Variants in DPYD observed in about 807,000 individuals in gnomAD.
The protein encoded by DPYD is dihydropyrimidine dehydrogenase, also known as dihydropyrimidine dehydrogenase [NADP(+)].
Under a neutral mutation model 116.2 loss-of-function variants are expected in DPYD, and 109 were observed. That is an observed-to-expected ratio of 0.94 (90% CI 0.80 to 1.10). DPYD has a LOEUF of 1.10. DPYD is among the 50% of genes least tolerant of loss of function. The pLI, the probability that DPYD is intolerant of heterozygous loss-of-function variation, is 0.00. For missense variants in DPYD, 1,302 were observed against 1,254.5 expected (o/e 1.04, Z -0.57); for synonymous variants, 440 against 432.0 (o/e 1.02, Z -0.23).
At chr1:97,401,037 GT>G (rs1408459781) in intron 14 of DPYD, among the ~76,000 whole-genome samples, 5 of 151,946 alleles carry the variant, frequency 3.3e-5, no homozygotes, top group Non-Finnish European at 7.4e-5. Flanking sequence ...CCTCATTGTT[GT>G]TTTAATTTGC....
At chr1:97,568,649 A>G (rs1652693347) in intron 11 of DPYD, among the ~76,000 whole-genome samples, 1 of 152,114 alleles carries the variant, frequency 6.6e-6, no homozygotes, top group South Asian at 2.1e-4. Flanking sequence ...GCCACAACAA[A>G]GGAAAAATTC....
At position 97,683,622 on chromosome 1, in the gene DPYD, A is replaced by G. The variant is rs370183971; in HGVS notation, c.763-4440T>C. On this transcript the variant is annotated intron_variant, in intron 7 of 22. Coordinates refer to ENST00000370192, the MANE Select transcript of DPYD (RefSeq NM_000110.4). ...GAAACAAAAATATGTATTTCTATTTAAATTCTGAGTTGCATTACAAAAAAA... is the reference window on the plus strand; with the variant it reads ...GAAACAAAAATATGTATTTCTATTTGAATTCTGAGTTGCATTACAAAAAAA... Among the ~76,000 whole-genome samples, 6 of 152,062 alleles carry G rather than the reference A, an allele frequency of 3.9e-5. No homozygotes were observed. The East Asian group carries it at 1.2e-3, about 29-fold the overall frequency.
At chr1:97,442,971 C>T (rs1313515954) in intron 14 of DPYD, among the ~76,000 whole-genome samples, 2 of 152,070 alleles carry the variant, frequency 1.3e-5, no homozygotes, top group Non-Finnish European at 2.9e-5. Flanking sequence ...GAATAATTAC[C>T]GTGTGTCAAA....
intron 14 of DPYD, among the ~76,000 whole-genome samples, chr1:97,440,971 C>T (rs1675760299): frequency 2.0e-5 from 3 of 152,034 alleles, no homozygotes; most frequent in South Asian, 2.1e-4. Flanking sequence ...GGTTAATATT[C>T]GTCCTTTTCT....
intron 10 of DPYD, among the ~76,000 whole-genome samples, chr1:97,585,656 G>A (rs890173916): frequency 1.8e-4 from 28 of 152,048 alleles, no homozygotes; most frequent in Middle Eastern, 3.4e-3. Flanking sequence ...TATGTCTTTC[G>A]AATAGCATAT....
intron 12 of DPYD, among the ~76,000 whole-genome samples, chr1:97,541,254 TAAACATTAATTAGTTATATGGATGCAAA>T (rs1650431653): frequency 6.6e-6 from 1 of 152,176 alleles, no homozygotes; most frequent in Non-Finnish European, 1.5e-5. Flanking sequence ...TGTAAATAAA[TAAACATTAATTAGTTATATGGATGCAAA>T]AAGAAAGAAG....
At chr1:97,837,721 CA>C (rs1448817638) in intron 2 of DPYD, among the ~76,000 whole-genome samples, 1 of 151,990 alleles carries the variant, frequency 6.6e-6, no homozygotes, top group East Asian at 1.9e-4. Context: ...ATAAATAGAT[CA>C]ATATGGAAAA....
intron 10 of DPYD, among the ~76,000 whole-genome samples, chr1:97,579,232 C>T (rs1653474389): frequency 6.6e-6 from 1 of 152,180 alleles, no homozygotes; most frequent in Non-Finnish European, 1.5e-5. Context: ...ACAGCCCTAC[C>T]TGTGTCTATC....
intron 16 of DPYD, among the ~76,000 whole-genome samples, chr1:97,363,985 T>C (rs947267146): frequency 2.6e-5 from 4 of 152,192 alleles, no homozygotes; most frequent in East Asian, 1.9e-4. Flanking sequence ...GTTCCATCCA[T>C]GTTGCTACAA....
chr1:97,606,408 G>A (rs1026897423), intron 8 of DPYD, among the ~76,000 whole-genome samples: 4 of 151,834 alleles, frequency 2.6e-5, no homozygotes, highest in Non-Finnish European at 4.4e-5. Flanking sequence ...GTTACCACAG[G>A]AGCAGTTACA....
Position 97,841,109 on chromosome 1 carries a change from A to T in DPYD, c.151-12913T>A, listed in dbSNP as rs530906203. The stretch of plus-strand genomic sequence containing the variant: ...CAACTTTGGGCATGATTCATTTTTT[A>T]AAAAATGTAAAGAAACAGTATATTT... On this transcript the variant is annotated intron_variant, in intron 2 of 22. Coordinates refer to ENST00000370192, the MANE Select transcript of DPYD (RefSeq NM_000110.4). 4.5e-4 allele frequency among the ~76,000 whole-genome samples: 68 copies of T among 152,238 alleles called. 1 individual carries two copies. The highest frequency in any genetic ancestry group is 1.3e-3 in the African/African-American group (56 of 41,568).
At chr1:97,323,585 C>CAT (rs71071646) in intron 16 of DPYD, among the ~76,000 whole-genome samples, 6 of 63,510 alleles carry the variant, frequency 9.4e-5, no homozygotes, top group South Asian at 5.8e-4. Context: ...ATATACATAT[C>CAT]ATATATACAT....
chr1:97,537,620 A>G (rs1483065645), intron 12 of DPYD, among the ~76,000 whole-genome samples: 2 of 150,038 alleles, frequency 1.3e-5, no homozygotes, highest in Admixed American at 6.7e-5. Flanking sequence ...ATGATACTCA[A>G]TTTGGAATTC....
intron 1 of DPYD, among the ~76,000 whole-genome samples, chr1:97,894,121 GA>G (rs1672926894): frequency 2.0e-5 from 3 of 151,772 alleles, no homozygotes; most frequent in Admixed American, 6.6e-5. Context: ...CAAGGTGCCT[GA>G]CAATTTGGTT....
chr1:97,208,287 CT>C (rs1366612838), intron 19 of DPYD, among the ~76,000 whole-genome samples: 3 of 138,968 alleles, frequency 2.2e-5, no homozygotes, highest in Admixed American at 7.2e-5. Flanking sequence ...CTTTCTCTCT[CT>C]CTTTCTTTTT....
chr1:97,217,897 G>A (rs75112377), intron 19 of DPYD, among the ~76,000 whole-genome samples: 8,374 of 152,166 alleles, frequency 0.055, 356 homozygotes, highest in Non-Finnish European at 0.077. Flanking sequence ...TGTGATACTC[G>A]CTTTATCATA....
chr1:97,806,775 G>A (rs1668097715), intron 3 of DPYD, among the ~76,000 whole-genome samples: 1 of 151,792 alleles, frequency 6.6e-6, no homozygotes, highest in South Asian at 2.1e-4. Flanking sequence ...AGTATCATAC[G>A]AAGTATTCTC....
chr1:97,690,820 TG>T (rs1217834852), intron 7 of DPYD, among the ~76,000 whole-genome samples: 5 of 152,112 alleles, frequency 3.3e-5, no homozygotes, highest in Non-Finnish European at 7.4e-5. Flanking sequence ...TCATTATGTG[TG>T]AATGTTTCAT....
Position 97,545,661 on chromosome 1 carries a change from C to T in DPYD, c.1524+3899G>A, listed in dbSNP as rs914013499. 11 of 661,018 alleles carry T rather than the reference C, an allele frequency of 1.7e-5. No homozygotes were observed. In the Admixed American group the frequency reaches 2.7e-4, roughly 16 times the overall value. The allele number at this position is 661,018 out of a possible 1,614,324, so 40.9% of individuals were successfully genotyped here. A position where few individuals can be genotyped will look rare whatever the true frequency, so the allele number is the denominator to read the frequency against. On this transcript the variant is annotated intron_variant, in intron 12 of 22. Coordinates refer to ENST00000370192, the MANE Select transcript of DPYD (RefSeq NM_000110.4). ...GTTGGAGGTACAGATTAGAGAGTTA[C>T]ACAGCAGGAGGTAAGATTAAAAACT...
Sources: gnomAD v4.1 joint callset for allele counts (sites outside exome capture counted in the v4.1 genomes callset) on GRCh38, gnomAD v4.1.1 for gene constraint, MANE v1.5 for transcripts, NCBI Gene and HGNC (gene_info 2026-07-23, HGNC 2026-07-21) for gene names.